Variants in EPB41L4A observed in about 807,000 individuals in gnomAD.
EPB41L4A encodes the protein erythrocyte membrane protein band 4.1 like 4A, also known as band 4.1-like protein 4A.
In EPB41L4A, 100 loss-of-function variants were observed where a neutral mutation model predicts 108.6. That is an observed-to-expected ratio of 0.92 (90% CI 0.78 to 1.09). The LOEUF is 1.09. Ranked by LOEUF, EPB41L4A falls within the 50% of genes least tolerant of loss-of-function variation. The pLI is 0.00. For synonymous variants in EPB41L4A, 319 were observed against 289.0 expected (o/e 1.10, Z -1.05); for missense variants, 1,030 against 842.7 (o/e 1.22, Z -2.75).
chr5:112,255,969 G>A lies in EPB41L4A; in HGVS notation c.795+3260C>T, dbSNP rs74933501. On this transcript the variant is annotated intron_variant, in intron 9 of 22. Coordinates refer to ENST00000261486, the MANE Select transcript of EPB41L4A (RefSeq NM_022140.5). ...ACCTCCTGCTTCTCAGGCCAAACTC[G>A]TTTAAGTGACCAGGACTCCTCTCTC... Among the ~76,000 whole-genome samples the A allele has an allele frequency of 5.8e-3, 884 of 152,136 alleles. 3 individuals carry two copies. The highest frequency in any genetic ancestry group is 0.01 in the Middle Eastern group (3 of 294).
At chr5:112,348,618 A>G (rs1377367997) in intron 1 of EPB41L4A, among the ~76,000 whole-genome samples, 1 of 152,162 alleles carries the variant, frequency 6.6e-6, no homozygotes, top group Non-Finnish European at 1.5e-5. Flanking sequence ...TCTGCAAAGT[A>G]AGGCACTTCA....
rs769906253 is a variant in EPB41L4A at position 112,145,913 on chromosome 5, G to A, written n.1080C>T. On this transcript the variant is annotated non_coding_transcript_exon_variant, in exon 13 of 14. Transcript: ENST00000507810. ...CCCCAATATCACTTCATCCAGAAGT[G>A]TATTATGAGAGACCTTCTGAAGTGC... 10 of 456,676 alleles carry A rather than the reference G, an allele frequency of 2.2e-5. No individual in the cohort carries two copies. The East Asian group carries it at 5.6e-4, about 25-fold the overall frequency. 28.3% of individuals were successfully genotyped at this position (456,676 alleles called of 1,614,324 possible).
At chr5:112,370,078 G>A (rs1561615934) in intron 1 of EPB41L4A, among the ~76,000 whole-genome samples, 1 of 151,388 alleles carries the variant, frequency 6.6e-6, no homozygotes, top group Non-Finnish European at 1.5e-5. Flanking sequence ...GGGCTAAACT[G>A]CAGTGGCACA....
chr5:112,313,634 C>T (rs1164744965), intron 1 of EPB41L4A, among the ~76,000 whole-genome samples: 1 of 151,952 alleles, frequency 6.6e-6, no homozygotes, highest in African/African-American at 2.4e-5. Context: ...AGCAACCAGG[C>T]ACACATATAA....
intron 1 of EPB41L4A, among the ~76,000 whole-genome samples, chr5:112,355,749 C>T (rs767724089): frequency 6.6e-6 from 1 of 152,206 alleles, no homozygotes; most frequent in African/African-American, 2.4e-5. Context: ...TAGAGATATA[C>T]TGAGAGATCT....
intron 18 of EPB41L4A, among the ~76,000 whole-genome samples, chr5:112,174,391 T>C (rs906321340): frequency 2.6e-5 from 4 of 152,196 alleles, no homozygotes; most frequent in African/African-American, 9.6e-5. Flanking sequence ...TCCAAATAAA[T>C]TCCTAAGGAA....
intron 1 of EPB41L4A, among the ~76,000 whole-genome samples, chr5:112,334,283 T>C (rs567410865): frequency 1.3e-5 from 2 of 152,336 alleles, no homozygotes; most frequent in South Asian, 4.1e-4. Flanking sequence ...ATATATTTCT[T>C]TGACATATTT....
intron 1 of EPB41L4A, among the ~76,000 whole-genome samples, chr5:112,410,416 T>TA (rs1434105414): frequency 6.6e-6 from 1 of 152,052 alleles, no homozygotes; most frequent in African/African-American, 2.4e-5. Context: ...TTGCAGGGAT[T>TA]AGGAGGCCCT....
At chr5:112,212,987 A>T (rs1313629008) in intron 12 of EPB41L4A, among the ~76,000 whole-genome samples, 1 of 152,234 alleles carries the variant, frequency 6.6e-6, no homozygotes. Flanking sequence ...GAATATTTTT[A>T]AAAAGAAAAA....
At chr5:112,153,514 G>T (rs1307894836) in intron 12 of EPB41L4A, among the ~76,000 whole-genome samples, 1 of 147,878 alleles carries the variant, frequency 6.8e-6, no homozygotes, top group Non-Finnish European at 1.5e-5. Context: ...GGGCAACAGA[G>T]CAAGACTCTG....
In EPB41L4A at chr5:112,151,079, G is replaced by A. The variant is rs138845868; in HGVS notation, n.995-5081C>T. Among the ~76,000 whole-genome samples, 5 of 152,294 alleles carry A rather than the reference G, an allele frequency of 3.3e-5. No individual in the cohort carries two copies. In the East Asian group the frequency reaches 9.6e-4, roughly 29 times the overall value. On this transcript the variant is annotated intron_variant and non_coding_transcript_variant, in intron 12 of 13. Transcript: ENST00000507810. ...AAGCTCTCTAAGTGATGTTGATGCT[G>A]ATGGTCGAAAGATTGCAATTAGAGT...
In EPB41L4A at chr5:112,419,052, C is replaced by A. The variant is rs775650804; in HGVS notation, c.-13G>T. The A allele has an allele frequency of 8.1e-6, 13 of 1,606,908 alleles. No homozygotes were observed. In the African/African-American group the frequency reaches 1.6e-4, roughly 20 times the overall value. ...AGAAACAGCCCATGTCGGTTGTGGTCGTCTCCAGCCAGGAGAGAAAGCTAC... is the reference window on the plus strand; with the variant it reads ...AGAAACAGCCCATGTCGGTTGTGGTAGTCTCCAGCCAGGAGAGAAAGCTAC... On this transcript the variant is annotated 5_prime_UTR_variant, in exon 1 of 23. Coordinates refer to ENST00000261486, the MANE Select transcript of EPB41L4A (RefSeq NM_022140.5).
At chr5:112,335,721 G>A (rs1252794735) in intron 1 of EPB41L4A, among the ~76,000 whole-genome samples, 1 of 152,192 alleles carries the variant, frequency 6.6e-6, no homozygotes, top group Non-Finnish European at 1.5e-5. Flanking sequence ...CAGCCAGAGA[G>A]AGAGAATTTT....
At chr5:112,382,285 A>T (rs115686916) in intron 1 of EPB41L4A, among the ~76,000 whole-genome samples, 1 of 152,156 alleles carries the variant, frequency 6.6e-6, no homozygotes, top group African/African-American at 2.4e-5. Context: ...ACCTAAGTTC[A>T]GGCTCAAGAA....
intron 1 of EPB41L4A, among the ~76,000 whole-genome samples, chr5:112,388,536 G>C (rs1475293024): frequency 6.6e-6 from 1 of 152,182 alleles, no homozygotes; most frequent in African/African-American, 2.4e-5. Flanking sequence ...TCAGGGGTCA[G>C]AACCACTGAA....
At chr5:112,171,569 C>A (rs1173359680) in intron 18 of EPB41L4A, among the ~76,000 whole-genome samples, 1 of 152,240 alleles carries the variant, frequency 6.6e-6, no homozygotes, top group Non-Finnish European at 1.5e-5. Context: ...ACCCTCTTTA[C>A]GCCCTTCTCC....
intron 4 of EPB41L4A, among the ~76,000 whole-genome samples, chr5:112,268,383 A>C (rs1429948860): frequency 6.6e-6 from 1 of 152,110 alleles, no homozygotes; most frequent in Non-Finnish European, 1.5e-5. Flanking sequence ...GTCTCAAAAA[A>C]ACAAACAAAA....
intron 11 of EPB41L4A, among the ~76,000 whole-genome samples, chr5:112,238,397 A>G (rs1749516914): frequency 6.6e-6 from 1 of 152,240 alleles, no homozygotes; most frequent in South Asian, 2.1e-4. Flanking sequence ...ATGACACTTA[A>G]GTATTTTTAT....
intron 18 of EPB41L4A, among the ~76,000 whole-genome samples, chr5:112,179,044 C>G: frequency 6.6e-6 from 1 of 151,982 alleles, no homozygotes; most frequent in East Asian, 1.9e-4. Context: ...ACAGATTTCA[C>G]AGATGTTAAA....
Sources: allele counts gnomAD v4.1 joint callset (sites outside exome capture counted in the v4.1 genomes callset), GRCh38; gene constraint gnomAD v4.1.1; transcripts MANE v1.5; gene names NCBI Gene and HGNC (gene_info 2026-07-23, HGNC 2026-07-21).